The following ZNF711 variants were observed in gnomAD, a reference collection of about 807,000 sequenced individuals.
ZNF711 encodes the protein ZFX family zinc finger ZNF711.
Under a neutral mutation model 43.5 loss-of-function variants are expected in ZNF711, and 3 were observed. That is an observed-to-expected ratio of 0.07 (90% confidence interval 0.03 to 0.18). ZNF711 has a LOEUF of 0.18. Among genes scored for constraint, ZNF711 ranks in the 10% least tolerant of loss-of-function variants. ZNF711 has a pLI of 1.00. For missense variants in ZNF711, 412 were observed against 604.0 expected, an observed-to-expected ratio of 0.68 and a Z score of 3.33; for synonymous variants, 209 against 207.7, an observed-to-expected ratio of 1.01 and a Z score of -0.06.
chrX:85,264,277 G>C lies in ZNF711; in HGVS notation c.625G>C (p.Asp209His). ...TSEDYLMISL[D>H]DVGEKLEHMG... The stretch of plus-strand genomic sequence containing the variant: ...ATAATTTTGTTTATATTTTATAGTG[G>C]ATGATGTTGGAGAAAAATTAGAGCA... Residue 209 changes from aspartate to histidine, a missense_variant and splice_region_variant, in exon 6 of 11, where the codon GAT (aspartate) becomes CAT (histidine). By Grantham distance (81) the Asp-to-His change is moderately conservative. Around this residue, in one of 4 missense-constraint regions of ZNF711, gnomAD observed 375 missense variants for 514.2 expected, o/e 0.73. Coordinates refer to ENST00000674551, the MANE Select transcript of ZNF711 (RefSeq NM_001330574.2). 1 of 1,194,058 alleles carries C rather than the reference G, an allele frequency of 8.4e-7. No individual in the cohort carries two copies. Among genetic ancestry groups the C allele is most frequent in the Non-Finnish European group, 1.1e-6 (1 of 881,174 alleles).
In ZNF711 at chrX:85,246,000, T is replaced by A. The variant is rs916657583; in HGVS notation, c.-308T>A. The A allele has an allele frequency of 8.9e-6, 1 of 112,299 alleles. No homozygotes were observed. Among genetic ancestry groups the A allele is most frequent in the African/African-American group, 3.2e-5 (1 of 30,898 alleles). The allele number at this position is 112,299 out of a possible 1,213,427, so 9.3% of individuals were successfully genotyped here. On this transcript the variant is annotated 5_prime_UTR_variant, in exon 2 of 11. Transcript: ENST00000674551. ...TACTTTATGTGAGAAAATCTACAAT[T>A]TCTTCGAGACACTCATATAAAGGTG...
At chrX:85,264,225 T>C in intron 5 of ZNF711, 50 bp from the exon 6 acceptor site, 1 of 1,074,825 alleles carries the variant, frequency 9.3e-7, no homozygotes, top group South Asian at 1.9e-5. Flanking sequence ...TTTTGTTGTT[T>C]TTTGTCAATG....
At chrX:85,266,758 A>C (rs1254691723) in intron 7 of ZNF711, among the ~76,000 whole-genome samples, 2 of 108,968 alleles carry the variant, frequency 1.8e-5, no homozygotes, top group Non-Finnish European at 3.8e-5. Context: ...CCTATTGAAG[A>C]GTGTCCACAT....
intron 5 of ZNF711, among the ~76,000 whole-genome samples, chrX:85,258,082 A>T (rs781442399): frequency 8.9e-6 from 1 of 112,595 alleles, no homozygotes; most frequent in African/African-American, 3.2e-5. Flanking sequence ...ATACTTTCAC[A>T]TGCATGTTCA....
At chrX:85,259,624 A>C (rs1339865919) in intron 5 of ZNF711, among the ~76,000 whole-genome samples, 1 of 110,805 alleles carries the variant, frequency 9.0e-6, no homozygotes, top group African/African-American at 3.3e-5. Flanking sequence ...CCTTGGTTAA[A>C]TATATTCCTG....
At chrX:85,248,161 CT>C (rs35501637) in intron 4 of ZNF711, among the ~76,000 whole-genome samples, 140 of 97,480 alleles carry the variant, frequency 1.4e-3, no homozygotes, top group African/African-American at 4.5e-3. Context: ...TTTTCTTTCT[CT>C]TTTTTTTTTT....
intron 4 of ZNF711, among the ~76,000 whole-genome samples, chrX:85,251,494 G>T (rs180713143): frequency 4.5e-5 from 5 of 111,171 alleles, no homozygotes; most frequent in African/African-American, 1.6e-4. Context: ...ATTTTATGCT[G>T]TCATTCTGGT....
chrX:85,263,138 G>A (rs1409004485), intron 5 of ZNF711, among the ~76,000 whole-genome samples: 3 of 110,117 alleles, frequency 2.7e-5, no homozygotes, highest in Non-Finnish European at 3.8e-5. Flanking sequence ...TAAATTATAG[G>A]CATATAATAT....
chrX:85,265,345 C>A (rs1282317722), intron 7 of ZNF711, 90 bp downstream of exon 7: 33 of 996,051 alleles, frequency 3.3e-5, no homozygotes, highest in Non-Finnish European at 4.1e-5. Context: ...TGTATAGGAA[C>A]AAAGTTCAAT....
chrX:85,272,515 A>T lies in ZNF711; in HGVS notation c.*687A>T, dbSNP rs1170320101. On this transcript the variant is annotated 3_prime_UTR_variant, in exon 11 of 11. Transcript: ENST00000674551. ...TCCCTTTTTTCTGATGTTCAAGTTG[A>T]TTGTTGTTCAGTATGGCATATATGA... 8.9e-6 allele frequency: 1 copy of T among 111,902 alleles called. No homozygotes were observed. 9.2% of individuals were successfully genotyped at this position (111,902 alleles called of 1,213,427 possible).
At chrX:85,263,065 AAGG>A (rs1196330254) in intron 5 of ZNF711, among the ~76,000 whole-genome samples, 3 of 110,568 alleles carry the variant, frequency 2.7e-5, no homozygotes, top group African/African-American at 6.5e-5. Context: ...TATATATAAT[AAGG>A]AGGAGTAGAT....
intron 9 of ZNF711, 109 bp downstream of exon 9, chrX:85,268,450 C>A: frequency 1.1e-6 from 1 of 900,527 alleles, no homozygotes; most frequent in Non-Finnish European, 1.6e-6. Context: ...TGGACTCTTA[C>A]TTGCTTAGTC....
chrX:85,255,111 G>A, intron 4 of ZNF711, 148 bp from the exon 5 acceptor site: 1 of 595,762 alleles, frequency 1.7e-6, no homozygotes, highest in African/African-American at 2.3e-5. Context: ...TTTAATTGCA[G>A]TTAAATTGTC....
chrX:85,248,840 A>G (rs1306264494), intron 4 of ZNF711, among the ~76,000 whole-genome samples: 1 of 112,111 alleles, frequency 8.9e-6, no homozygotes, highest in Non-Finnish European at 1.9e-5. Flanking sequence ...CGTTGATAAT[A>G]TGGTTGAATG....
intron 4 of ZNF711, among the ~76,000 whole-genome samples, chrX:85,248,163 T>C (rs1357807403): frequency 1.4e-5 from 1 of 70,177 alleles, no homozygotes; most frequent in East Asian, 3.9e-4. Flanking sequence ...TTCTTTCTCT[T>C]TTTTTTTTTT....
At chrX:85,256,063 G>A (rs896938452) in intron 5 of ZNF711, among the ~76,000 whole-genome samples, 1 of 111,056 alleles carries the variant, frequency 9.0e-6, no homozygotes, top group African/African-American at 3.3e-5. Flanking sequence ...GCAACAACAA[G>A]AACATTAACT....
chrX:85,271,817 G>T lies in ZNF711; in HGVS notation c.2413G>T (p.Ala805Ser). Residue 805 changes from alanine (A) to serine (S), a missense_variant, in exon 11 of 11, where the codon GCT (alanine) becomes TCT (serine). Transcript: ENST00000674551. ...GCATATTATGAGGCACCACAAAGAG[G>T]CTCTTATGTAATAAGATCAATATAA... ...NQHIMRHHKE[A>S]LM 4 of 1,203,793 alleles carry T rather than the reference G, an allele frequency of 3.3e-6. No homozygotes were observed. The highest frequency in any genetic ancestry group is 4.5e-6 in the Non-Finnish European group (4 of 888,797).
chrX:85,252,221 C>A (rs1457711844), intron 4 of ZNF711, among the ~76,000 whole-genome samples: 1 of 111,862 alleles, frequency 8.9e-6, no homozygotes, highest in Non-Finnish European at 1.9e-5. Flanking sequence ...TCCTTGAGAG[C>A]ATTTGGTTCA....
chrX:85,256,534 C>A (rs1465959728), intron 5 of ZNF711, among the ~76,000 whole-genome samples: 1 of 111,218 alleles, frequency 9.0e-6, no homozygotes, highest in South Asian at 3.8e-4. Context: ...GATCATGCTA[C>A]AAGTAGTTAA....
Sources: allele counts gnomAD v4.1 joint callset (sites outside exome capture counted in the v4.1 genomes callset), GRCh38; gene constraint gnomAD v4.1.1; regional missense constraint gnomAD v4.1.1; transcripts MANE v1.5; gene names NCBI Gene and HGNC (gene_info 2026-07-23, HGNC 2026-07-21).